Variants in LIPI observed in about 807,000 individuals in gnomAD.
LIPI encodes the protein lipase I.
Under a neutral mutation model 50.6 loss-of-function variants are expected in LIPI, and 59 were observed. The ratio of observed to expected loss-of-function variants is 1.16; its 90% CI spans 0.94 to 1.45. The LOEUF (loss-of-function observed/expected upper bound fraction) is 1.45. Ranked by LOEUF, LIPI falls within the 40% of genes most tolerant of loss-of-function variation. The pLI is 0.00. For missense variants in LIPI, 586 were observed against 536.3 expected, an observed-to-expected ratio of 1.09 and a Z score of -0.92; for synonymous variants, 203 against 178.2, an observed-to-expected ratio of 1.14 and a Z score of -1.11.
At chr21:14,149,761 C>T (rs746951748) in intron 8 of LIPI, among the ~76,000 whole-genome samples, 2 of 152,158 alleles carry the variant, frequency 1.3e-5, no homozygotes, top group East Asian at 1.9e-4. Flanking sequence ...CCAAAATGAT[C>T]CCCTTTAACT....
intron 9 of LIPI, among the ~76,000 whole-genome samples, chr21:14,124,510 G>C (rs916102315): frequency 6.6e-6 from 1 of 152,154 alleles, no homozygotes; most frequent in Admixed American, 6.5e-5. Context: ...TTGAGGCTCA[G>C]TGAGTTCCTG....
chr21:14,137,648 G>T (rs116259201), intron 9 of LIPI, among the ~76,000 whole-genome samples: 4,147 of 152,200 alleles, frequency 0.027, 180 homozygotes, highest in African/African-American at 0.091. Flanking sequence ...GGTAGAGAAA[G>T]AGATAGGGGT....
At chr21:14,121,909 C>T (rs368092596) in intron 9 of LIPI, among the ~76,000 whole-genome samples, 16 of 152,346 alleles carry the variant, frequency 1.1e-4, no homozygotes, top group South Asian at 4.1e-4. Context: ...CTTGAGGAAA[C>T]GTCAAGCCCT....
chr21:14,152,742 A>G (rs1157056028), intron 7 of LIPI, 58 bp from the exon 8 acceptor site: 2 of 804,638 alleles, frequency 2.5e-6, no homozygotes, highest in Admixed American at 2.0e-5. Flanking sequence ...TGGTTTTGGT[A>G]CATATTCAGA....
chr21:14,209,516 A>G (rs1204491694), intron 1 of LIPI, among the ~76,000 whole-genome samples: 2 of 152,198 alleles, frequency 1.3e-5, no homozygotes, highest in Admixed American at 6.5e-5. Context: ...TACATGGGTT[A>G]AAAATGAATT....
At chr21:14,145,197 G>C (rs1390458440) in intron 8 of LIPI, among the ~76,000 whole-genome samples, 1 of 151,902 alleles carries the variant, frequency 6.6e-6, no homozygotes, top group Non-Finnish European at 1.5e-5. Context: ...TTTTGACCTA[G>C]AGCAATAACT....
At chr21:14,178,953 A>G (rs1466584306) in intron 4 of LIPI, among the ~76,000 whole-genome samples, 1 of 152,186 alleles carries the variant, frequency 6.6e-6, no homozygotes, top group Non-Finnish European at 1.5e-5. Flanking sequence ...ATTTTGGCAG[A>G]GGCAACTCAG....
At chr21:14,193,578 AAGTG>A (rs1017352394) in intron 1 of LIPI, among the ~76,000 whole-genome samples, 2 of 152,164 alleles carry the variant, frequency 1.3e-5, no homozygotes, top group East Asian at 3.8e-4. Context: ...ATGTAACTAA[AAGTG>A]AGCAGAAATG....
At chr21:14,172,774 AG>A (rs2018964529) in intron 4 of LIPI, among the ~76,000 whole-genome samples, 1 of 152,016 alleles carries the variant, frequency 6.6e-6, no homozygotes, top group Non-Finnish European at 1.5e-5. Context: ...CTAAATGACG[AG>A]TTAATGGGTG....
intron 9 of LIPI, among the ~76,000 whole-genome samples, chr21:14,118,506 C>T (rs1489107556): frequency 6.6e-6 from 1 of 152,174 alleles, no homozygotes; most frequent in Non-Finnish European, 1.5e-5. Context: ...AGACTTACTA[C>T]AAAACTGCAG....
At chr21:14,167,867 A>G (rs2018749285) in intron 4 of LIPI, among the ~76,000 whole-genome samples, 1 of 152,256 alleles carries the variant, frequency 6.6e-6, no homozygotes, top group Admixed American at 6.5e-5. Flanking sequence ...TGGCTGGAGA[A>G]TGACTTTGAC....
intron 6 of LIPI, among the ~76,000 whole-genome samples, 168 bp downstream of exon 6, chr21:14,165,055 G>A (rs986491307): frequency 6.6e-6 from 1 of 151,934 alleles, no homozygotes; most frequent in African/African-American, 2.4e-5. Flanking sequence ...TGTTTAGTAG[G>A]GAATGAAATA....
chr21:14,168,482 C>A (rs532374725), intron 4 of LIPI, among the ~76,000 whole-genome samples: 145 of 152,268 alleles, frequency 9.5e-4, no homozygotes, highest in African/African-American at 3.5e-3. Flanking sequence ...GGGTTACCCA[C>A]AAAGGGAAGC....
intron 9 of LIPI, among the ~76,000 whole-genome samples, chr21:14,118,847 C>CCAT (rs2016754665): frequency 6.6e-6 from 1 of 152,102 alleles, no homozygotes; most frequent in African/African-American, 2.4e-5. Flanking sequence ...GATTGCAAAA[C>CCAT]ACTTAAAATG....
Position 14,185,919 on chromosome 21 carries a change from T to C in LIPI, c.541+42A>G, listed in dbSNP as rs754706003. The stretch of plus-strand genomic sequence containing the variant: ...AATTAGCAAAGTAACTTCTGATACT[T>C]AAAAGTATGCTAAAGCAATAATTTT... On this transcript the variant is annotated intron_variant, in intron 3 of 9. Transcript: ENST00000681601. The C allele has an allele frequency of 2.1e-5, 25 of 1,170,050 alleles. No homozygotes were observed. The South Asian group carries it at 2.4e-4, about 11-fold the overall frequency. The allele number at this position is 1,170,050 out of a possible 1,614,324, so 72.5% of individuals were successfully genotyped here.
chr21:14,113,169 A>G (rs2016482785), intron 9 of LIPI, among the ~76,000 whole-genome samples: 1 of 152,266 alleles, frequency 6.6e-6, no homozygotes, highest in Admixed American at 6.5e-5. Context: ...ATTCAATAAG[A>G]TAAAATTCAC....
At chr21:14,181,960 T>G (rs2019287652) in intron 3 of LIPI, 101 bp from the exon 4 acceptor site, 1 of 718,496 alleles carries the variant, frequency 1.4e-6, no homozygotes, top group South Asian at 1.5e-5. Flanking sequence ...AAAGCATTTA[T>G]ACTTTTAGTT....
intron 8 of LIPI, among the ~76,000 whole-genome samples, chr21:14,148,556 A>T (rs1041650620): frequency 3.3e-5 from 5 of 152,238 alleles, no homozygotes; most frequent in African/African-American, 1.2e-4. Context: ...AATATTTACC[A>T]TTGTGTTACA....
chr21:14,179,191 C>CA (rs2019188261), intron 4 of LIPI, among the ~76,000 whole-genome samples: 1 of 151,764 alleles, frequency 6.6e-6, no homozygotes, highest in Non-Finnish European at 1.5e-5. Flanking sequence ...TTTGAAAGGC[C>CA]ACATGGCTTT....
Sources: gnomAD v4.1 joint callset for allele counts (sites outside exome capture counted in the v4.1 genomes callset) on GRCh38, gnomAD v4.1.1 for gene constraint, MANE v1.5 for transcripts, NCBI Gene and HGNC (gene_info 2026-07-23, HGNC 2026-07-21) for gene names.